CALN1: variants seen among roughly 807,000 people sequenced by gnomAD.
CALN1 encodes the protein calcium-binding protein 8.
Under a neutral mutation model 30.6 loss-of-function variants are expected in CALN1, and 17 were observed. The ratio of observed to expected loss-of-function variants is 0.56; its 90% CI spans 0.38 to 0.83. The LOEUF is 0.83. Among genes scored for constraint, CALN1 ranks in the 40% least tolerant of loss-of-function variants. The pLI is 0.00. For synonymous variants in CALN1, 156 were observed against 131.4 expected, an observed-to-expected ratio of 1.19 and a Z score of -1.28; for missense variants, 291 against 354.9, an observed-to-expected ratio of 0.82 and a Z score of 1.45.
intron 3 of CALN1, among the ~76,000 whole-genome samples, chr7:72,271,559 C>A (rs1171983647): frequency 3.4e-5 from 1 of 29,114 alleles, no homozygotes; most frequent in Non-Finnish European, 5.1e-5. Flanking sequence ...ACTGTGCCTG[C>A]CTTTTAAAAA....
At chr7:72,108,081 T>C (rs188013086) in intron 3 of CALN1, among the ~76,000 whole-genome samples, 1 of 152,356 alleles carries the variant, frequency 6.6e-6, no homozygotes, top group African/African-American at 2.4e-5. Context: ...ACAATCATGA[T>C]GTCAGCAGAG....
At chr7:71,878,625 C>T (rs1792389060) in intron 5 of CALN1, among the ~76,000 whole-genome samples, 1 of 152,128 alleles carries the variant, frequency 6.6e-6, no homozygotes, top group African/African-American at 2.4e-5. Context: ...TTTTACCTGA[C>T]ATGAACACCA....
At position 72,232,853 on chromosome 7, in the gene CALN1, A is replaced by C. The variant is rs543405964; in HGVS notation, c.244+45833T>G. Among the ~76,000 whole-genome samples the C allele has an allele frequency of 1.9e-3, 289 of 152,338 alleles. 2 individuals are homozygous for C. Among genetic ancestry groups the C allele is most frequent in the Middle Eastern group, 0.017 (5 of 294 alleles). ...CAACATAAAAAGCCAAATTCCTTTA[A>C]AAGACTGGAAGGAAACAACAGACTT... On this transcript the variant is annotated intron_variant, in intron 3 of 6. Coordinates refer to ENST00000395275, the MANE Select transcript of CALN1 (RefSeq NM_031468.4).
At chr7:72,138,565 C>T (rs1162856689) in intron 3 of CALN1, among the ~76,000 whole-genome samples, 2 of 149,248 alleles carry the variant, frequency 1.3e-5, no homozygotes. Context: ...CGGGGACTGC[C>T]CTTAGCTGGG....
At chr7:71,813,468 A>C (rs556414095) in intron 5 of CALN1, among the ~76,000 whole-genome samples, 1 of 152,340 alleles carries the variant, frequency 6.6e-6, no homozygotes, top group African/African-American at 2.4e-5. Flanking sequence ...TCTCCTAGGA[A>C]GCCTGTTATT....
chr7:72,334,395 A>G (rs892432325), intron 2 of CALN1, among the ~76,000 whole-genome samples: 3 of 152,228 alleles, frequency 2.0e-5, no homozygotes, highest in Non-Finnish European at 2.9e-5. Context: ...ACCAGTTTCT[A>G]TGAAAAAGAA....
intron 3 of CALN1, among the ~76,000 whole-genome samples, chr7:72,221,692 C>G (rs1310739211): frequency 6.6e-6 from 1 of 152,002 alleles, no homozygotes; most frequent in Non-Finnish European, 1.5e-5. Context: ...GAGTTCGAGA[C>G]CAGCCTGGCC....
At position 72,211,483 on chromosome 7, in the gene CALN1, C is replaced by G. The variant is rs534394085; in HGVS notation, c.244+67203G>C. On this transcript the variant is annotated intron_variant, in intron 3 of 6. Coordinates refer to ENST00000395275, the MANE Select transcript of CALN1 (RefSeq NM_031468.4). ...CATGCAAAGCATCTCTCCTGTGTCT[C>G]CTGACTTTGGGCAAATGAACTTACT... 1.1e-4 allele frequency among the ~76,000 whole-genome samples: 16 copies of G among 152,272 alleles called. No homozygotes were observed. The East Asian group carries it at 3.1e-3, about 29-fold the overall frequency.
chr7:71,802,195 TA>T (rs1284332635), intron 6 of CALN1, among the ~76,000 whole-genome samples: 4 of 152,174 alleles, frequency 2.6e-5, no homozygotes, highest in South Asian at 2.1e-4. Context: ...GAGCACTTAA[TA>T]AGAATCTGGT....
intron 2 of CALN1, among the ~76,000 whole-genome samples, chr7:72,342,375 T>C (rs1488263797): frequency 1.8e-4 from 28 of 152,184 alleles, no homozygotes; most frequent in Non-Finnish European, 2.9e-5. Context: ...ATTAAGGTGG[T>C]TGCAGGTTTA....
the CALN1 span, among the ~76,000 whole-genome samples, chr7:72,483,180 T>A: frequency 6.6e-6 from 1 of 152,074 alleles, no homozygotes; most frequent in Non-Finnish European, 1.5e-5. Context: ...AGTAGTTTGA[T>A]TATGATATGC....
chr7:71,802,193 A>C (rs1231399724), intron 6 of CALN1, among the ~76,000 whole-genome samples: 1 of 152,142 alleles, frequency 6.6e-6, no homozygotes, highest in African/African-American at 2.4e-5. Flanking sequence ...GGGAGCACTT[A>C]ATAAGAATCT....
At chr7:72,193,290 G>C (rs756812476) in intron 3 of CALN1, among the ~76,000 whole-genome samples, 5 of 152,132 alleles carry the variant, frequency 3.3e-5, no homozygotes, top group Non-Finnish European at 5.9e-5. Context: ...GTTTAAGCCT[G>C]GGAGATCGAG....
At chr7:71,806,681 G>T (rs1321089842) in intron 6 of CALN1, among the ~76,000 whole-genome samples, 2 of 152,048 alleles carry the variant, frequency 1.3e-5, no homozygotes, top group Non-Finnish European at 2.9e-5. Flanking sequence ...TTTAGGTTCT[G>T]CATATCAATG....
At chr7:72,339,892 G>A (rs909695323) in intron 2 of CALN1, among the ~76,000 whole-genome samples, 1 of 152,158 alleles carries the variant, frequency 6.6e-6, no homozygotes, top group South Asian at 2.1e-4. Context: ...CACAACACAT[G>A]GGAATTATGG....
At chr7:72,267,244 C>CG (rs975648170) in intron 3 of CALN1, among the ~76,000 whole-genome samples, 7 of 152,072 alleles carry the variant, frequency 4.6e-5, no homozygotes, top group African/African-American at 1.4e-4. Context: ...CAGTAGGGGA[C>CG]GGGGGACCTT....
intron 5 of CALN1, among the ~76,000 whole-genome samples, chr7:71,967,638 A>AG (rs1562943151): frequency 6.9e-6 from 1 of 144,000 alleles, no homozygotes; most frequent in East Asian, 2.1e-4. Flanking sequence ...AAAAAAAAAA[A>AG]AAAAGAAAGA....
intron 3 of CALN1, among the ~76,000 whole-genome samples, chr7:72,205,575 T>TACATATATATATAC (rs1196690990): frequency 3.3e-5 from 4 of 119,610 alleles, no homozygotes; most frequent in African/African-American, 1.7e-4. Context: ...TATGTATATA[T>TACATATATATATAC]ATATATATAT....
intron 5 of CALN1, among the ~76,000 whole-genome samples, chr7:71,842,829 G>A (rs1441713422): frequency 6.6e-6 from 1 of 152,058 alleles, no homozygotes; most frequent in East Asian, 1.9e-4. Flanking sequence ...GCCTATCTTC[G>A]GGGTTATACC....
Sources: allele counts gnomAD v4.1 joint callset (sites outside exome capture counted in the v4.1 genomes callset), GRCh38; gene constraint gnomAD v4.1.1; transcripts MANE v1.5; gene names NCBI Gene and HGNC (gene_info 2026-07-23, HGNC 2026-07-21).